SPINK6: variants seen among roughly 807,000 people sequenced by gnomAD.
SPINK6 encodes the protein serine peptidase inhibitor Kazal type 6, also known as serine protease inhibitor Kazal-type 6.
A neutral mutation model predicts 11.7 loss-of-function variants in SPINK6; 13 were observed. The ratio of observed to expected loss-of-function variants is 1.11; its 90% confidence interval spans 0.72 to 1.76. The LOEUF is 1.76. Among genes scored for constraint, SPINK6 ranks in the 40% most tolerant of loss-of-function variants. The pLI is 0.00. For missense variants in SPINK6, 98 were observed against 93.7 expected (o/e 1.05, Z -0.19); for synonymous variants, 21 against 31.9 (o/e 0.66, Z 1.15).
At chr5:148,209,991 T>TAC (rs1398978551) in intron 2 of SPINK6, among the ~76,000 whole-genome samples, 4,632 of 145,352 alleles carry the variant, frequency 0.032, 471 homozygotes, top group East Asian at 0.13. Flanking sequence ...TATGTATACA[T>TAC]ATACACGTAT....
intron 2 of SPINK6, among the ~76,000 whole-genome samples, chr5:148,210,007 CATGTAT>C: frequency 9.5e-6 from 1 of 105,736 alleles, no homozygotes; most frequent in South Asian, 3.0e-4. Context: ...CGTATGTATA[CATGTAT>C]GTACGCATGT....
chr5:148,210,061 T>TGCACGC (rs1755562537), intron 2 of SPINK6, among the ~76,000 whole-genome samples: 1 of 113,792 alleles, frequency 8.8e-6, no homozygotes, highest in Admixed American at 1.0e-4. Flanking sequence ...TATGTATGTA[T>TGCACGC]ATGTATGTAT....
chr5:148,208,784 C>A (rs552712871), intron 2 of SPINK6, among the ~76,000 whole-genome samples: 5 of 152,086 alleles, frequency 3.3e-5, no homozygotes, highest in Non-Finnish European at 7.4e-5. Flanking sequence ...TGTTGTATAG[C>A]GCCAAAATGT....
At chr5:148,214,586 A>G (rs949463097) in intron 3 of SPINK6, among the ~76,000 whole-genome samples, 4 of 152,318 alleles carry the variant, frequency 2.6e-5, no homozygotes, top group Admixed American at 1.3e-4. Flanking sequence ...GAAAAAAACT[A>G]TAGTCCCTTT....
rs1259177114 is a variant in SPINK6, at chr5:148,206,062, A to C, written c.81+4A>C. 9 of 1,614,034 alleles carry C rather than the reference A, an allele frequency of 5.6e-6. No homozygotes were observed. Among genetic ancestry groups the C allele is most frequent in the Non-Finnish European group, 6.8e-6 (8 of 1,179,952 alleles). On this transcript the variant is annotated splice_donor_region_variant and intron_variant, in intron 2 of 3. Transcript: ENST00000325630. Reference sequence around the variant, plus strand: ...TGTCTTCAGTCAGGGAGGACAGGTCAGTGCCTATTTTTATCTCTGCTTTCT... The same window carrying C: ...TGTCTTCAGTCAGGGAGGACAGGTCCGTGCCTATTTTTATCTCTGCTTTCT...
intron 2 of SPINK6, among the ~76,000 whole-genome samples, chr5:148,206,846 C>T (rs956892353): frequency 1.3e-5 from 2 of 152,176 alleles, no homozygotes; most frequent in African/African-American, 4.8e-5. Flanking sequence ...CTTGGCGTGC[C>T]TTGTTATACC....
Position 148,214,002 on chromosome 5 carries a change from A to C in SPINK6, c.174A>C (p.Lys58Asn), listed in dbSNP as rs868828387. The C allele has an allele frequency of 2.0e-5, 32 of 1,611,546 alleles. No homozygotes were observed. In the Middle Eastern group the frequency reaches 3.9e-3, roughly 199 times the overall value. Residue 58 changes from lysine (K) to asparagine (N), a missense_variant, in exon 3 of 4, where the codon AAA becomes AAC. Lys to Asn is a moderately conservative substitution (Grantham distance 94). Transcript: ENST00000325630. ...CGSDGQTYGN[K>N]CAFCKAIVKS... The stretch of plus-strand genomic sequence containing the variant: ...CTGATGGCCAGACATATGGCAATAA[A>C]TGTGCCTTCTGTAAGGCCATAGTGT...
rs555940802 is a variant in SPINK6 at position 148,206,449 on chromosome 5, A to G, written c.81+391A>G. On this transcript the variant is annotated intron_variant, in intron 2 of 3. Coordinates refer to ENST00000325630, the MANE Select transcript of SPINK6 (RefSeq NM_205841.4). ...ATATTTAAATTATTTAAACAATGTG[A>G]AAGTATTTGGCAAGCCATTAAAGGC... 2.6e-5 allele frequency among the ~76,000 whole-genome samples: 4 copies of G among 152,280 alleles called. No homozygotes were observed. In the South Asian group the frequency reaches 8.3e-4, roughly 32 times the overall value.
chr5:148,206,004 TAC>T (rs779673153), intron 1 of SPINK6, 30 bp from the exon 2 acceptor site: 1 of 1,613,328 alleles, frequency 6.2e-7, no homozygotes, highest in East Asian at 2.2e-5. Flanking sequence ...ATCAATGAAT[TAC>T]AGTGTTTGAA....
At chr5:148,206,177 T>A in intron 2 of SPINK6, 119 bp downstream of exon 2, 1 of 962,440 alleles carries the variant, frequency 1.0e-6, no homozygotes, top group Admixed American at 2.2e-5. Context: ...GCAAACCTTA[T>A]GCAGACATCA....
chr5:148,203,952 G>C (rs1725818011), intron 1 of SPINK6, among the ~76,000 whole-genome samples: 2 of 152,064 alleles, frequency 1.3e-5, no homozygotes, highest in African/African-American at 4.8e-5. Context: ...CTAAGACCTA[G>C]TTTCATCTCT....
chr5:148,208,948 T>A (rs372261552), intron 2 of SPINK6, among the ~76,000 whole-genome samples: 2 of 152,218 alleles, frequency 1.3e-5, no homozygotes, highest in Non-Finnish European at 2.9e-5. Context: ...AGATGAATAG[T>A]TCGAAATGAA....
In SPINK6 at chr5:148,207,061, T is replaced by C. The variant is rs75628596; in HGVS notation, c.81+1003T>C. On this transcript the variant is annotated intron_variant, in intron 2 of 3. Transcript: ENST00000325630. The stretch of plus-strand genomic sequence containing the variant: ...TGTGTGTGTACATGCATGTGCACTT[T>C]AGGTGTATGTCTAACACATGCACAC... 6.1e-3 allele frequency among the ~76,000 whole-genome samples: 931 copies of C among 151,802 alleles called. 11 individuals are homozygous for C. The highest frequency in any genetic ancestry group is 0.014 in the Middle Eastern group (4 of 292).
chr5:148,205,893 A>G, intron 1 of SPINK6, 143 bp from the exon 2 acceptor site: 1 of 864,244 alleles, frequency 1.2e-6, no homozygotes, highest in Non-Finnish European at 1.9e-6. Flanking sequence ...AGAAGAAGAA[A>G]ACAAAAACAA....
At chr5:148,214,754 T>G (rs113363672) in intron 3 of SPINK6, 151 bp from the exon 4 acceptor site, 6 of 600,870 alleles carry the variant, frequency 1.0e-5, no homozygotes, top group African/African-American at 9.4e-5. Context: ...AACCTCTGAG[T>G]GCATTTAATT....
At chr5:148,205,890 G>T in intron 1 of SPINK6, 146 bp from the exon 2 acceptor site, 2 of 815,918 alleles carry the variant, frequency 2.5e-6, no homozygotes, top group East Asian at 2.6e-5. Context: ...AGAAGAAGAA[G>T]AAAACAAAAA....
intron 2 of SPINK6, among the ~76,000 whole-genome samples, chr5:148,213,166 G>A (rs1755635430): frequency 6.6e-6 from 1 of 151,868 alleles, no homozygotes; most frequent in Non-Finnish European, 1.5e-5. Context: ...ATCAGGTGAT[G>A]TCCAGTGCCC....
At chr5:148,209,999 T>TACGTATGC (rs1755556153) in intron 2 of SPINK6, among the ~76,000 whole-genome samples, 1 of 146,470 alleles carries the variant, frequency 6.8e-6, no homozygotes, top group African/African-American at 2.6e-5. Context: ...CATATACACG[T>TACGTATGC]ATGTATACAT....
intron 1 of SPINK6, among the ~76,000 whole-genome samples, chr5:148,204,129 G>T (rs1437126216): frequency 8.0e-6 from 1 of 124,676 alleles, no homozygotes; most frequent in African/African-American, 3.0e-5. Context: ...ATTTTAAATG[G>T]ATGTACAAGT....
Sources: allele counts gnomAD v4.1 joint callset (sites outside exome capture counted in the v4.1 genomes callset), GRCh38; gene constraint gnomAD v4.1.1; transcripts MANE v1.5; gene names NCBI Gene and HGNC (gene_info 2026-07-23, HGNC 2026-07-21).